Variants in MYO1E observed in about 807,000 individuals in gnomAD.
The protein encoded by MYO1E is unconventional myosin-Ie.
A neutral mutation model predicts 151.1 loss-of-function variants in MYO1E; 68 were observed. That is an observed-to-expected ratio of 0.45 (90% confidence interval 0.37 to 0.55). The LOEUF is 0.55. MYO1E is among the 20% of genes least tolerant of loss of function. MYO1E has a pLI of 0.00. For missense variants in MYO1E, 1,363 were observed against 1,389.3 expected (o/e 0.98, Z 0.30); for synonymous variants, 601 against 501.7 (o/e 1.20, Z -2.64).
At chr15:59,222,312 AT>A (rs1279229532) in intron 9 of MYO1E, among the ~76,000 whole-genome samples, 2 of 152,196 alleles carry the variant, frequency 1.3e-5, no homozygotes, top group Non-Finnish European at 1.5e-5. Flanking sequence ...TGGTTAAAGG[AT>A]GTGTGGGTTC....
At chr15:59,270,022 G>C (rs191582924) in intron 2 of MYO1E, among the ~76,000 whole-genome samples, 53 of 152,212 alleles carry the variant, frequency 3.5e-4, no homozygotes, top group Admixed American at 1.9e-3. Flanking sequence ...AAACAAATGA[G>C]CATGGCTGTG....
At chr15:59,178,223 T>C (rs1314144671) in intron 19 of MYO1E, among the ~76,000 whole-genome samples, 170 bp downstream of exon 19, 1 of 151,936 alleles carries the variant, frequency 6.6e-6, no homozygotes, top group Non-Finnish European at 1.5e-5. Flanking sequence ...GGAGAGCAGG[T>C]GTTTAGGGAA....
At chr15:59,364,533 A>G (rs369190085) in intron 1 of MYO1E, among the ~76,000 whole-genome samples, 11 of 152,368 alleles carry the variant, frequency 7.2e-5, no homozygotes, top group African/African-American at 2.4e-4. Flanking sequence ...TATGCTTATC[A>G]AGAAAAAGGA....
chr15:59,144,945 G>C (rs2079432839), intron 26 of MYO1E, among the ~76,000 whole-genome samples: 1 of 152,196 alleles, frequency 6.6e-6, no homozygotes, highest in South Asian at 2.1e-4. Flanking sequence ...CTGGGTTCAA[G>C]CGATTCTCCT....
chr15:59,234,637 T>C (rs1187637013), intron 5 of MYO1E, among the ~76,000 whole-genome samples: 2 of 152,014 alleles, frequency 1.3e-5, no homozygotes, highest in African/African-American at 4.8e-5. Context: ...CTGGGCAATG[T>C]GGTGAAACCC....
At chr15:59,280,514 C>A (rs1468212355) in intron 1 of MYO1E, among the ~76,000 whole-genome samples, 1 of 151,816 alleles carries the variant, frequency 6.6e-6, no homozygotes, top group East Asian at 1.9e-4. Context: ...CCCAGCTACT[C>A]CAGAGGCTGA....
chr15:59,323,695 G>A (rs2080643343), intron 1 of MYO1E, among the ~76,000 whole-genome samples: 1 of 151,922 alleles, frequency 6.6e-6, no homozygotes, highest in East Asian at 1.9e-4. Flanking sequence ...TTTGGAGAAC[G>A]GCTGTGTGCA....
intron 1 of MYO1E, among the ~76,000 whole-genome samples, chr15:59,281,528 G>A (rs949166210): frequency 6.6e-6 from 1 of 151,758 alleles, no homozygotes; most frequent in Non-Finnish European, 1.5e-5. Flanking sequence ...TGCCCGCCTC[G>A]GCCTCCGAGA....
rs554517312 is a variant in MYO1E at position 59,166,998 on chromosome 15, C to T, written c.2481-3695G>A. Among the ~76,000 whole-genome samples the T allele has an allele frequency of 5.2e-4, 79 of 152,280 alleles. 1 individual carries two copies. Among genetic ancestry groups the T allele is most frequent in the African/African-American group, 1.9e-3 (77 of 41,554 alleles). On this transcript the variant is annotated intron_variant, in intron 22 of 27. Transcript: ENST00000288235. Reference sequence around the variant, plus strand: ...CTGTGCCTCATCCACCTTCGAATACCAGGGCTCAGCACCAGGTAGGTGCTC... The same window carrying T: ...CTGTGCCTCATCCACCTTCGAATACTAGGGCTCAGCACCAGGTAGGTGCTC...
chr15:59,178,089 C>A (rs2079635942), intron 19 of MYO1E, among the ~76,000 whole-genome samples: 1 of 152,218 alleles, frequency 6.6e-6, no homozygotes, highest in African/African-American at 2.4e-5. Context: ...AGAGTCCCTG[C>A]CCTCCAGGAG....
intron 7 of MYO1E, among the ~76,000 whole-genome samples, chr15:59,225,274 A>T (rs1295398607): frequency 3.9e-5 from 6 of 152,088 alleles, no homozygotes. Context: ...TGCAGGATCT[A>T]CTTCCTTGCC....
At position 59,227,623 on chromosome 15, in the gene MYO1E, T is replaced by G. The variant is rs375930463; in HGVS notation, c.511-33A>C. The G allele has an allele frequency of 5.0e-6, 8 of 1,613,266 alleles. No individual in the cohort carries two copies. In the African/African-American group the frequency reaches 1.1e-4, roughly 22 times the overall value. On this transcript the variant is annotated intron_variant, in intron 6 of 27. Transcript: ENST00000288235. The stretch of plus-strand genomic sequence containing the variant: ...AAAGTTAGGGATTTCCTTCAATGGT[T>G]GGTGAACAAAACATGATGTCCCAAA...
Position 59,153,771 on chromosome 15 carries a change from T to C in MYO1E, c.2899A>G (p.Ile967Val). ...PPPGYHQNGV[I>V]RNQYVPYPHA... ...GGATATGGCACATACTGGTTTCTGA[T>C]GACTCCGTTCTGATGGTATCCTAGA... Residue 967 changes from isoleucine (I) to valine (V), a missense_variant, in exon 26 of 28, where the codon ATC (isoleucine) becomes GTC (valine). Transcript: ENST00000288235. 6.2e-7 allele frequency: 1 copy of C among 1,613,906 alleles called. No individual in the cohort carries two copies. The highest frequency in any genetic ancestry group is 1.1e-5 in the South Asian group (1 of 91,074).
At chr15:59,347,687 T>G (rs1321311515) in intron 1 of MYO1E, among the ~76,000 whole-genome samples, 1 of 152,058 alleles carries the variant, frequency 6.6e-6, no homozygotes, top group Non-Finnish European at 1.5e-5. Context: ...ATGATAGATA[T>G]GAATTTAACA....
intron 15 of MYO1E, among the ~76,000 whole-genome samples, chr15:59,202,642 AAAAT>A (rs1321048818): frequency 2.0e-5 from 3 of 152,262 alleles, no homozygotes; most frequent in African/African-American, 7.2e-5. Context: ...CAAAGACTGC[AAAAT>A]AAATTTTAAA....
At chr15:59,262,393 G>C (rs945578923) in intron 2 of MYO1E, among the ~76,000 whole-genome samples, 1 of 152,068 alleles carries the variant, frequency 6.6e-6, no homozygotes, top group African/African-American at 2.4e-5. Context: ...CAAGGGGGTG[G>C]ATCGCTTTAG....
intron 1 of MYO1E, among the ~76,000 whole-genome samples, chr15:59,371,848 C>T: frequency 6.6e-6 from 1 of 151,666 alleles, no homozygotes; most frequent in Non-Finnish European, 1.5e-5. Flanking sequence ...CCGCCCGCGC[C>T]CGAGTCTCCC....
At position 59,135,087 on chromosome 15, in the gene MYO1E, A is replaced by C. The variant is rs2079364588; in HGVS notation, c.*2293T>G. 6.6e-6 allele frequency: 1 copy of C among 152,216 alleles called. No individual in the cohort carries two copies. The highest frequency in any genetic ancestry group is 2.4e-5 in the African/African-American group (1 of 41,442). The allele number at this position is 152,216 out of a possible 1,614,324, so 9.4% of individuals were successfully genotyped here. ...ATTTCAGCATCTCTACGCAGATCTA[A>C]GTCTCCTTCCCCTGTGGGTCACTTA... On this transcript the variant is annotated 3_prime_UTR_variant, in exon 28 of 28. Coordinates refer to ENST00000288235, the MANE Select transcript of MYO1E (RefSeq NM_004998.4).
intron 18 of MYO1E, among the ~76,000 whole-genome samples, chr15:59,184,147 C>T (rs1438533646): frequency 1.3e-5 from 2 of 152,034 alleles, no homozygotes; most frequent in Non-Finnish European, 2.9e-5. Flanking sequence ...TCTGGAATTA[C>T]GGGTGTGCGC....
Sources: allele counts gnomAD v4.1 joint callset (sites outside exome capture counted in the v4.1 genomes callset), GRCh38; gene constraint gnomAD v4.1.1; transcripts MANE v1.5; gene names NCBI Gene and HGNC (gene_info 2026-07-23, HGNC 2026-07-21).